MRTFB: variants seen among roughly 807,000 people sequenced by gnomAD.
The protein encoded by MRTFB is myocardin related transcription factor B.
In MRTFB, 29 loss-of-function variants were observed where a neutral mutation model predicts 104.2. The ratio of observed to expected loss-of-function variants is 0.28; its 90% CI spans 0.21 to 0.38. The LOEUF (loss-of-function observed/expected upper bound fraction) is 0.38, where lower values mean the gene tolerates loss of function less well. Ranked by LOEUF, MRTFB falls within the 10% of genes least tolerant of loss-of-function variation. The probability of loss-of-function intolerance (pLI) is 1.00; values close to 1 mark genes in which losing one functional copy is unlikely to be tolerated. For synonymous variants in MRTFB, 535 were observed against 519.5 expected (o/e 1.03, Z -0.41); for missense variants, 1,270 against 1,341.6 (o/e 0.95, Z 0.83).
intron 2 of MRTFB, among the ~76,000 whole-genome samples, chr16:14,122,380 AC>A (rs1270542086): frequency 6.6e-6 from 1 of 151,808 alleles, no homozygotes; most frequent in Non-Finnish European, 1.5e-5. Context: ...GGTTTGCTGC[AC>A]CCATCAGCCG....
At chr16:13,996,127 C>A in the MRTFB span, among the ~76,000 whole-genome samples, 2 of 151,994 alleles carry the variant, frequency 1.3e-5, no homozygotes, top group South Asian at 2.1e-4. Flanking sequence ...CAAAAATTAG[C>A]CAGGCATGGT....
At chr16:14,260,045 C>T (rs996972878) in intron 16 of MRTFB, among the ~76,000 whole-genome samples, 66 of 152,298 alleles carry the variant, frequency 4.3e-4, no homozygotes, top group African/African-American at 1.4e-3. Context: ...TAAGATACTT[C>T]ATTCATTTAT....
intron 12 of MRTFB, chr16:14,247,876 T>G (rs1323475553): frequency 5.1e-6 from 1 of 197,948 alleles, no homozygotes; most frequent in Non-Finnish European, 1.0e-5. Flanking sequence ...TAATCCTCCC[T>G]TCTCCTAGAA....
chr16:14,165,465 C>T (rs970440667), intron 3 of MRTFB, among the ~76,000 whole-genome samples: 6 of 152,188 alleles, frequency 3.9e-5, no homozygotes, highest in African/African-American at 1.4e-4. Context: ...AAACACCCTG[C>T]AGACTGTGTG....
intron 2 of MRTFB, among the ~76,000 whole-genome samples, chr16:14,105,309 A>C (rs57406490): frequency 1.3e-5 from 2 of 152,062 alleles, no homozygotes; most frequent in African/African-American, 4.8e-5. Context: ...ATCTTTTATA[A>C]AAGGTCATCA....
chr16:14,175,876 G>A (rs2039565416), intron 3 of MRTFB, among the ~76,000 whole-genome samples: 1 of 152,172 alleles, frequency 6.6e-6, no homozygotes, highest in Non-Finnish European at 1.5e-5. Flanking sequence ...ACCACATACT[G>A]TATGATTCCA....
rs187946778 is a variant in MRTFB at position 14,192,562 on chromosome 16, C to T, written c.155-17681C>T. ...GAAGTTTGAGTGCTTTCACATAGCA[C>T]AATGCCAGTTATGTTAAACTTCTGT... On this transcript the variant is annotated intron_variant, in intron 3 of 16. Transcript: ENST00000571589. Among the ~76,000 whole-genome samples, 566 of 152,248 alleles carry T rather than the reference C, an allele frequency of 3.7e-3. 4 individuals carry two copies. Among genetic ancestry groups the T allele is most frequent in the Non-Finnish European group, 5.4e-3 (365 of 68,022 alleles).
chr16:14,038,119 G>C, the MRTFB span, among the ~76,000 whole-genome samples: 2 of 152,144 alleles, frequency 1.3e-5, no homozygotes, highest in South Asian at 4.1e-4. Context: ...TCAAGACCAA[G>C]GTATCAGCAG....
At chr16:14,230,055 G>T (rs2042187431) in intron 8 of MRTFB, among the ~76,000 whole-genome samples, 1 of 151,942 alleles carries the variant, frequency 6.6e-6, no homozygotes, top group Non-Finnish European at 1.5e-5. Context: ...TTAATAAATG[G>T]TGCTGGGAAA....
chr16:14,257,623 A>G (rs1417870189), intron 15 of MRTFB, among the ~76,000 whole-genome samples: 1 of 152,126 alleles, frequency 6.6e-6, no homozygotes, highest in African/African-American at 2.4e-5. Context: ...AGGGCGATGG[A>G]TATGTTCATT....
chr16:14,120,313 T>C (rs570752418), intron 2 of MRTFB, among the ~76,000 whole-genome samples: 25 of 152,342 alleles, frequency 1.6e-4, no homozygotes, highest in African/African-American at 5.8e-4. Flanking sequence ...TACTTGTCAG[T>C]CTGTTCATTT....
chr16:14,216,258 T>C (rs963853147), intron 6 of MRTFB, among the ~76,000 whole-genome samples: 2 of 152,226 alleles, frequency 1.3e-5, no homozygotes, highest in African/African-American at 4.8e-5. Context: ...CAGTTCATCC[T>C]AAGCCGACTT....
At chr16:14,172,213 CT>C (rs2039446118) in intron 3 of MRTFB, among the ~76,000 whole-genome samples, 1 of 152,046 alleles carries the variant, frequency 6.6e-6, no homozygotes, top group Non-Finnish European at 1.5e-5. Context: ...CTAATTTGTC[CT>C]TCCTTCCCCG....
chr16:14,082,620 A>C (rs2034475962), intron 2 of MRTFB, among the ~76,000 whole-genome samples: 1 of 152,124 alleles, frequency 6.6e-6, no homozygotes. Flanking sequence ...TGTTTCTGCA[A>C]AAAATAAAAA....
At chr16:14,075,147 A>C (rs1314600895) in intron 1 of MRTFB, among the ~76,000 whole-genome samples, 50 of 152,186 alleles carry the variant, frequency 3.3e-4, no homozygotes, top group Admixed American at 3.2e-3. Context: ...AAACATACTT[A>C]CTCTGTGTGA....
chr16:14,161,537 T>C lies in MRTFB; in HGVS notation c.154+20777T>C, dbSNP rs150053842. 3.2e-3 allele frequency among the ~76,000 whole-genome samples: 493 copies of C among 152,256 alleles called. 3 individuals carry two copies. Among genetic ancestry groups the C allele is most frequent in the East Asian group, 0.023 (121 of 5,190 alleles). On this transcript the variant is annotated intron_variant, in intron 3 of 16. Transcript: ENST00000571589. ...TACATGATCTTGAAGTGGGCAAAAATTTTTTAAATAGGACACAAATAGCAC... is the reference window on the plus strand; with the variant it reads ...TACATGATCTTGAAGTGGGCAAAAACTTTTTAAATAGGACACAAATAGCAC...
chr16:14,205,016 A>G (rs1009924679), intron 3 of MRTFB, among the ~76,000 whole-genome samples: 7 of 152,198 alleles, frequency 4.6e-5, no homozygotes, highest in Non-Finnish European at 1.0e-4. Context: ...TCCACCTAAC[A>G]GAGTATTTTA....
rs557795158 is a variant in MRTFB, at chr16:14,101,720, A to G, written c.-64+22366A>G. Among the ~76,000 whole-genome samples, 7 of 152,206 alleles carry G rather than the reference A, an allele frequency of 4.6e-5. No homozygotes were observed. In the East Asian group the frequency reaches 1.2e-3, roughly 25 times the overall value. The stretch of plus-strand genomic sequence containing the variant: ...GGGTAGAGTGAGGTGAGATTATTAT[A>G]AAGATCTACATCAGTATCCCACTGA... On this transcript the variant is annotated intron_variant, in intron 2 of 16. Transcript: ENST00000571589.
At position 14,217,285 on chromosome 16, in the gene MRTFB, T is replaced by A. The variant is rs1308721486; in HGVS notation, c.512T>A (p.Ile171Lys). 1 of 1,587,336 alleles carries A rather than the reference T, an allele frequency of 6.3e-7. No homozygotes were observed. Among genetic ancestry groups the A allele is most frequent in the African/African-American group, 1.4e-5 (1 of 73,418 alleles). Residue 171 changes from isoleucine to lysine, a missense_variant and splice_region_variant, in exon 7 of 17, where the codon ATA (isoleucine) becomes AAA (lysine). Coordinates refer to ENST00000571589, the MANE Select transcript of MRTFB (RefSeq NM_001308142.2). The part of the protein sequence containing the change: ...PVDSSVKEAI[I>K]GVGKEDYPHT... ...GACTCCAGTGTTAAAGAAGCAATTA[T>A]AGGCAAGACTCTAAAAATTTACTAT...
Sources: gnomAD v4.1 joint callset for allele counts (sites outside exome capture counted in the v4.1 genomes callset) on GRCh38, gnomAD v4.1.1 for gene constraint, MANE v1.5 for transcripts, NCBI Gene and HGNC (gene_info 2026-07-23, HGNC 2026-07-21) for gene names.